The following RBM46 variants were observed in gnomAD, a reference collection of about 807,000 sequenced individuals.
The protein encoded by RBM46 is RNA binding motif protein 46.
A neutral mutation model predicts 43.3 loss-of-function variants in RBM46; 12 were observed. The ratio of observed to expected loss-of-function variants is 0.28; its 90% CI spans 0.18 to 0.45. The LOEUF (loss-of-function observed/expected upper bound fraction) is 0.45, where lower values mean the gene tolerates loss of function less well. Among genes scored for constraint, RBM46 ranks in the 20% least tolerant of loss-of-function variants. The pLI, the probability that RBM46 is intolerant of heterozygous loss-of-function variation, is 1.00. For missense variants in RBM46, 412 were observed against 639.1 expected (o/e 0.64, Z 3.83); for synonymous variants, 205 against 207.6 (o/e 0.99, Z 0.11).
intron 1 of RBM46, among the ~76,000 whole-genome samples, chr4:154,796,404 G>C (rs1734353964): frequency 6.6e-6 from 1 of 152,064 alleles, no homozygotes; most frequent in South Asian, 2.1e-4. Flanking sequence ...TTCATTGATG[G>C]CTTACATTTT....
intron 4 of RBM46, among the ~76,000 whole-genome samples, chr4:154,817,220 ATAT>A (rs894989407): frequency 6.6e-5 from 10 of 152,022 alleles, no homozygotes; most frequent in African/African-American, 2.4e-4. Flanking sequence ...AATATGTGGA[ATAT>A]TATTTAAGAG....
intron 4 of RBM46, among the ~76,000 whole-genome samples, chr4:154,818,227 A>G (rs903458176): frequency 6.6e-6 from 1 of 152,012 alleles, no homozygotes; most frequent in Non-Finnish European, 1.5e-5. Context: ...AGAATTGTTT[A>G]TTTATTCTAC....
intron 4 of RBM46, among the ~76,000 whole-genome samples, chr4:154,802,019 G>A (rs924474364): frequency 6.6e-6 from 1 of 152,142 alleles, no homozygotes; most frequent in Non-Finnish European, 1.5e-5. Context: ...TGTATTTTAT[G>A]TATTTCCTCA....
intron 1 of RBM46, among the ~76,000 whole-genome samples, chr4:154,793,311 G>A (rs1318998999): frequency 6.6e-6 from 1 of 152,100 alleles, no homozygotes; most frequent in East Asian, 1.9e-4. Context: ...TATATACAGT[G>A]TTTCACTGAA....
At chr4:154,813,334 A>G (rs1735275322) in intron 4 of RBM46, among the ~76,000 whole-genome samples, 1 of 152,246 alleles carries the variant, frequency 6.6e-6, no homozygotes, top group South Asian at 2.1e-4. Context: ...TTAACATGCT[A>G]ATGTTGGAGG....
At chr4:154,804,813 TG>T (rs1246477369) in intron 4 of RBM46, among the ~76,000 whole-genome samples, 89 of 121,234 alleles carry the variant, frequency 7.3e-4, no homozygotes, top group Admixed American at 1.3e-3. Flanking sequence ...TGATTAAGGT[TG>T]TTTTTTTTTT....
intron 1 of RBM46, among the ~76,000 whole-genome samples, chr4:154,792,174 T>C (rs1734127269): frequency 1.3e-5 from 2 of 152,334 alleles, no homozygotes; most frequent in East Asian, 1.9e-4. Context: ...ATCAATTTAA[T>C]AGCACTATTA....
At chr4:154,791,616 C>T (rs536523407) in intron 1 of RBM46, among the ~76,000 whole-genome samples, 3 of 151,942 alleles carry the variant, frequency 2.0e-5, no homozygotes, top group East Asian at 3.9e-4. Flanking sequence ...AAATCAAGAT[C>T]GAAATGTGAA....
chr4:154,825,969 T>C (rs1735937785), intron 4 of RBM46, among the ~76,000 whole-genome samples: 1 of 152,158 alleles, frequency 6.6e-6, no homozygotes. Context: ...TTGTTAAAAT[T>C]TGAAGAGCTA....
chr4:154,801,154 T>C (rs558391582), intron 4 of RBM46, among the ~76,000 whole-genome samples: 14 of 152,082 alleles, frequency 9.2e-5, no homozygotes, highest in Non-Finnish European at 1.3e-4. Context: ...AATTTTTGTA[T>C]TTTAAGTAGA....
intron 4 of RBM46, among the ~76,000 whole-genome samples, chr4:154,808,961 T>C (rs156585): frequency 0.032 from 4,902 of 151,998 alleles, 276 homozygotes; most frequent in African/African-American, 0.11. Context: ...AAAAATATGA[T>C]TGCTTTCACT....
intron 4 of RBM46, among the ~76,000 whole-genome samples, chr4:154,819,981 A>G (rs904153797): frequency 6.6e-6 from 1 of 152,082 alleles, no homozygotes; most frequent in African/African-American, 2.4e-5. Flanking sequence ...CAACATTTCT[A>G]TTTCCCAAAT....
chr4:154,801,958 G>T (rs1199755511), intron 4 of RBM46, among the ~76,000 whole-genome samples: 2 of 152,154 alleles, frequency 1.3e-5, no homozygotes, highest in Non-Finnish European at 2.9e-5. Context: ...ATCTATTCCA[G>T]ATTTTATCAA....
intron 1 of RBM46, among the ~76,000 whole-genome samples, chr4:154,786,664 C>CA (rs1306777230): frequency 6.6e-6 from 1 of 151,878 alleles, no homozygotes; most frequent in Non-Finnish European, 1.5e-5. Context: ...TGCGATGGCT[C>CA]ACGCCTTTAA....
chr4:154,788,379 G>T (rs1011529405), intron 1 of RBM46, among the ~76,000 whole-genome samples: 15 of 152,104 alleles, frequency 9.9e-5, no homozygotes, highest in Non-Finnish European at 1.8e-4. Flanking sequence ...TGTAAGGAAG[G>T]GATCCAGTTT....
chr4:154,803,655 A>G (rs1176717807), intron 4 of RBM46, among the ~76,000 whole-genome samples: 1 of 145,036 alleles, frequency 6.9e-6, no homozygotes, highest in Non-Finnish European at 1.5e-5. Flanking sequence ...GTGAGCCGAC[A>G]TCAAGCCACT....
chr4:154,818,090 C>A (rs1735543955), intron 4 of RBM46, among the ~76,000 whole-genome samples: 1 of 151,998 alleles, frequency 6.6e-6, no homozygotes, highest in South Asian at 2.1e-4. Flanking sequence ...ACATTTAAAA[C>A]CCCACAATGC....
chr4:154,806,354 G>T (rs1734906564), intron 4 of RBM46, among the ~76,000 whole-genome samples: 1 of 151,738 alleles, frequency 6.6e-6, no homozygotes, highest in Non-Finnish European at 1.5e-5. Context: ...AATGGCAAAT[G>T]AATTGTTTAG....
intron 4 of RBM46, among the ~76,000 whole-genome samples, chr4:154,824,608 G>A (rs1049141230): frequency 2.0e-5 from 3 of 152,102 alleles, no homozygotes; most frequent in South Asian, 2.1e-4. Context: ...CAATTATACC[G>A]AAACAAGCTA....
Sources: allele counts gnomAD v4.1 joint callset (sites outside exome capture counted in the v4.1 genomes callset), GRCh38; gene constraint gnomAD v4.1.1; transcripts MANE v1.5; gene names NCBI Gene and HGNC (gene_info 2026-07-23, HGNC 2026-07-21).